Variants in LRMDA observed in about 807,000 individuals in gnomAD.
The protein encoded by LRMDA is leucine-rich melanocyte differentiation-associated protein.
LRMDA carries 18 observed loss-of-function variants against 29.8 expected under a neutral mutation model. The observed-to-expected ratio is 0.60, with a 90% CI of 0.42 to 0.90. The LOEUF (loss-of-function observed/expected upper bound fraction) is 0.90, where lower values mean the gene tolerates loss of function less well. Among genes scored for constraint, LRMDA ranks in the 40% least tolerant of loss-of-function variants. The probability of loss-of-function intolerance (pLI) is 0.00; values close to 1 mark genes in which losing one functional copy is unlikely to be tolerated. For missense variants in LRMDA, 273 were observed against 273.9 expected (o/e 1.00, Z 0.02); for synonymous variants, 125 against 109.4 (o/e 1.14, Z -0.89).
chr10:76,011,470 G>A (rs763717958), intron 2 of LRMDA, among the ~76,000 whole-genome samples: 7 of 152,178 alleles, frequency 4.6e-5, no homozygotes, highest in Non-Finnish European at 7.3e-5. Context: ...CTGTGAGCCA[G>A]TGTGTGACCA....
At chr10:76,409,770 C>G (rs1369186697) in intron 6 of LRMDA, among the ~76,000 whole-genome samples, 1 of 152,168 alleles carries the variant, frequency 6.6e-6, no homozygotes, top group Non-Finnish European at 1.5e-5. Context: ...AATAGCAACA[C>G]TAAAGTGAGC....
chr10:76,109,604 A>G (rs938938495), intron 5 of LRMDA, among the ~76,000 whole-genome samples: 38 of 152,152 alleles, frequency 2.5e-4, no homozygotes, highest in Admixed American at 1.6e-3. Flanking sequence ...AAATTTTCAA[A>G]AGACCTGTCT....
rs150450557 is a variant in LRMDA at position 76,141,639 on chromosome 10, C to T, written c.516+82856C>T. On this transcript the variant is annotated intron_variant, in intron 5 of 6. Transcript: ENST00000611255. ...CCAGCCATTCCAAATTAGTTTTGTT[C>T]AAACTAATGAGACCTTATTAAATTC... Among the ~76,000 whole-genome samples the T allele has an allele frequency of 4.6e-5, 7 of 152,160 alleles. No individual in the cohort carries two copies. The East Asian group carries it at 9.7e-4, about 21-fold the overall frequency.
chr10:75,741,112 C>T (rs1842823395), intron 2 of LRMDA, among the ~76,000 whole-genome samples: 1 of 152,146 alleles, frequency 6.6e-6, no homozygotes, highest in Non-Finnish European at 1.5e-5. Context: ...ACCCAGCAAG[C>T]CTGCCTGGTA....
rs1418069030 is a variant in LRMDA at position 76,500,441 on chromosome 10, A to G, written c.602-56768A>G. ...TAATGGTCCATCTTGTGGTTAATAC[A>G]TACTGCCCTCCAGCATATCTGTGAT... On this transcript the variant is annotated intron_variant, in intron 6 of 6. Transcript: ENST00000611255. Among the ~76,000 whole-genome samples, 5 of 76,212 alleles carry G rather than the reference A, an allele frequency of 6.6e-5. 2 individuals carry two copies. Among genetic ancestry groups the G allele is most frequent in the Non-Finnish European group, 1.7e-4 (4 of 22,868 alleles). 50.0% of individuals were successfully genotyped at this position (76,212 alleles called of 152,430 possible).
At chr10:75,791,921 G>T (rs1423818998) in intron 2 of LRMDA, among the ~76,000 whole-genome samples, 1 of 144,472 alleles carries the variant, frequency 6.9e-6, no homozygotes, top group Non-Finnish European at 1.5e-5. Context: ...GTGCAGTGGT[G>T]CTATCTCGGC....
At chr10:75,949,906 C>G (rs1399049919) in intron 2 of LRMDA, among the ~76,000 whole-genome samples, 4 of 152,154 alleles carry the variant, frequency 2.6e-5, no homozygotes, top group Non-Finnish European at 4.4e-5. Context: ...TGGATACTAC[C>G]AAGGCTGCCA....
At chr10:76,123,395 G>A (rs1041241675) in intron 5 of LRMDA, among the ~76,000 whole-genome samples, 1 of 151,476 alleles carries the variant, frequency 6.6e-6, no homozygotes, top group African/African-American at 2.4e-5. Flanking sequence ...TGCGGTCCCA[G>A]CTACTTGGGA....
At chr10:76,524,984 C>T (rs1212499168) in intron 6 of LRMDA, among the ~76,000 whole-genome samples, 4 of 152,088 alleles carry the variant, frequency 2.6e-5, no homozygotes, top group African/African-American at 7.2e-5. Flanking sequence ...CAAAGGATAT[C>T]GTGTTTTTAA....
intron 5 of LRMDA, among the ~76,000 whole-genome samples, chr10:76,281,441 C>T (rs11813314): frequency 2.1e-3 from 322 of 152,246 alleles, no homozygotes; most frequent in African/African-American, 7.2e-3. Flanking sequence ...GGGTACATAA[C>T]GGCCCTATTG....
intron 5 of LRMDA, 85 bp from the exon 6 acceptor site, chr10:76,324,315 TC>T: frequency 8.6e-7 from 1 of 1,157,162 alleles, no homozygotes; most frequent in Non-Finnish European, 1.3e-6. Context: ...CAAGCTCAGA[TC>T]CCAAGGAGAC....
chr10:75,703,181 C>T (rs1157073226), intron 2 of LRMDA, among the ~76,000 whole-genome samples: 3 of 151,376 alleles, frequency 2.0e-5, no homozygotes, highest in Non-Finnish European at 4.4e-5. Context: ...AAATATACTG[C>T]AGTTTTTTTT....
intron 5 of LRMDA, among the ~76,000 whole-genome samples, chr10:76,098,568 TTTC>T: frequency 6.6e-6 from 1 of 152,326 alleles, no homozygotes; most frequent in South Asian, 2.1e-4. Flanking sequence ...CAACTTGTAC[TTTC>T]TTCTTTTTTT....
chr10:75,641,087 TC>T (rs1841447708), intron 2 of LRMDA, among the ~76,000 whole-genome samples: 1 of 152,196 alleles, frequency 6.6e-6, no homozygotes, highest in South Asian at 2.1e-4. Context: ...GGGTTTAAGT[TC>T]TTGCCAAGCT....
intron 2 of LRMDA, among the ~76,000 whole-genome samples, chr10:75,455,357 C>G (rs1057423769): frequency 6.6e-6 from 1 of 152,154 alleles, no homozygotes; most frequent in Admixed American, 6.5e-5. Context: ...GCAAAGGCCC[C>G]GAGTTGGGTT....
At chr10:76,144,741 T>C (rs1207504902) in intron 5 of LRMDA, among the ~76,000 whole-genome samples, 1 of 151,840 alleles carries the variant, frequency 6.6e-6, no homozygotes, top group Non-Finnish European at 1.5e-5. Context: ...TGAATAGGAG[T>C]GGTGAGAGAG....
intron 6 of LRMDA, among the ~76,000 whole-genome samples, chr10:76,348,525 C>T (rs949925973): frequency 4.6e-5 from 7 of 152,182 alleles, no homozygotes; most frequent in Non-Finnish European, 1.0e-4. Flanking sequence ...TGCATGTAAA[C>T]ATGTGAAGAC....
At chr10:75,500,549 G>T (rs147397250) in intron 2 of LRMDA, among the ~76,000 whole-genome samples, 21 of 152,256 alleles carry the variant, frequency 1.4e-4, no homozygotes, top group African/African-American at 4.8e-4. Context: ...TTAGTAATCT[G>T]AGTATATTAG....
intron 2 of LRMDA, among the ~76,000 whole-genome samples, chr10:76,012,869 A>T (rs1019672981): frequency 2.0e-5 from 3 of 151,956 alleles, no homozygotes; most frequent in Non-Finnish European, 4.4e-5. Flanking sequence ...GATAGTAAAA[A>T]CCTGTTGTCT....
Sources: gnomAD v4.1 joint callset for allele counts (sites outside exome capture counted in the v4.1 genomes callset) on GRCh38, gnomAD v4.1.1 for gene constraint, MANE v1.5 for transcripts, NCBI Gene and HGNC (gene_info 2026-07-23, HGNC 2026-07-21) for gene names.